The following SLC16A10 variants were observed in gnomAD, a reference collection of about 807,000 sequenced individuals.
SLC16A10 encodes the protein monocarboxylate transporter 10.
In SLC16A10, 27 loss-of-function variants were observed where a neutral mutation model predicts 40.0. The observed-to-expected ratio is 0.67, with a 90% CI of 0.50 to 0.93. The LOEUF is 0.93. Among genes scored for constraint, SLC16A10 ranks in the 40% least tolerant of loss-of-function variants. The pLI is 0.00. For missense variants in SLC16A10, 529 were observed against 658.2 expected (o/e 0.80, Z 2.15); for synonymous variants, 213 against 249.8 (o/e 0.85, Z 1.39).
In SLC16A10 at chr6:111,140,897, C is replaced by T. The variant is rs898324392; in HGVS notation, c.344-31798C>T. Among the ~76,000 whole-genome samples the T allele has an allele frequency of 3.9e-5, 6 of 152,162 alleles. No homozygotes were observed. The East Asian group carries it at 5.8e-4, about 15-fold the overall frequency. On this transcript the variant is annotated intron_variant, in intron 1 of 5. Coordinates refer to ENST00000368851, the MANE Select transcript of SLC16A10 (RefSeq NM_018593.5). ...ACTTCCCGGGCTCCAGTGATCCTCC[C>T]GCCTCAGCCTCCCAAGTGGTTGGGA...
intron 1 of SLC16A10, among the ~76,000 whole-genome samples, chr6:111,109,436 A>C (rs963849126): frequency 3.4e-5 from 5 of 145,560 alleles, no homozygotes; most frequent in Non-Finnish European, 7.5e-5. Flanking sequence ...GTAGTATTCC[A>C]TTGTATGCCT....
intron 1 of SLC16A10, among the ~76,000 whole-genome samples, chr6:111,131,490 A>T (rs887484098): frequency 2.6e-5 from 4 of 152,204 alleles, no homozygotes; most frequent in African/African-American, 9.6e-5. Flanking sequence ...TTTGGCCACC[A>T]TGAAGGGACT....
chr6:111,109,996 A>G (rs1771357434), intron 1 of SLC16A10, among the ~76,000 whole-genome samples: 1 of 152,116 alleles, frequency 6.6e-6, no homozygotes, highest in Non-Finnish European at 1.5e-5. Context: ...TGGCTGAACA[A>G]GGAGATAAAA....
Position 111,087,721 on chromosome 6 carries a change from T to C in SLC16A10, c.-32T>C, listed in dbSNP as rs1263371991. On this transcript the variant is annotated 5_prime_UTR_variant, in exon 1 of 6. Transcript: ENST00000368851. The stretch of plus-strand genomic sequence containing the variant: ...CGCTGGTAACTCGCGTCCCTCGCGC[T>C]TCTCCGGCGCCTGAGGGGCCCGCCT... The C allele has an allele frequency of 6.0e-6, 7 of 1,162,178 alleles. No individual in the cohort carries two copies. In the East Asian group the frequency reaches 2.4e-4, roughly 41 times the overall value. The allele number at this position is 1,162,178 out of a possible 1,614,324, so 72.0% of individuals were successfully genotyped here. A position where few individuals can be genotyped will look rare whatever the true frequency, so the allele number is the denominator to read the frequency against.
intron 1 of SLC16A10, among the ~76,000 whole-genome samples, chr6:111,137,864 T>A (rs1376421446): frequency 6.6e-6 from 1 of 152,126 alleles, no homozygotes; most frequent in African/African-American, 2.4e-5. Flanking sequence ...ACCCGACCAA[T>A]GAGGTAGTAA....
intron 1 of SLC16A10, among the ~76,000 whole-genome samples, chr6:111,128,079 G>T (rs1771708134): frequency 6.6e-6 from 1 of 152,070 alleles, no homozygotes; most frequent in African/African-American, 2.4e-5. Context: ...AGGCCAAAAG[G>T]GGCAGTGATA....
At chr6:111,186,906 G>C (rs354524) in intron 3 of SLC16A10, among the ~76,000 whole-genome samples, 2 of 151,948 alleles carry the variant, frequency 1.3e-5, no homozygotes, top group South Asian at 4.2e-4. Flanking sequence ...AGGGCAATGC[G>C]CACCAAATTG....
rs530843236 is a variant in SLC16A10 at position 111,193,482 on chromosome 6, C to T, written c.943-13110C>T. Reference sequence around the variant, plus strand: ...TACAGAACACTTTCATCAAAACAAGCTTGTTTTTTCTTTTCAAAATATAAT... The same window carrying T: ...TACAGAACACTTTCATCAAAACAAGTTTGTTTTTTCTTTTCAAAATATAAT... On this transcript the variant is annotated intron_variant, in intron 3 of 5. Transcript: ENST00000368851. 2.6e-5 allele frequency among the ~76,000 whole-genome samples: 4 copies of T among 152,226 alleles called. No homozygotes were observed. The East Asian group carries it at 7.7e-4, about 29-fold the overall frequency.
At chr6:111,216,216 C>T (rs1773418325) in intron 4 of SLC16A10, among the ~76,000 whole-genome samples, 1 of 152,156 alleles carries the variant, frequency 6.6e-6, no homozygotes, top group African/African-American at 2.4e-5. Context: ...TTCTTTCCAA[C>T]CTGCCAGGCT....
intron 1 of SLC16A10, among the ~76,000 whole-genome samples, chr6:111,156,192 A>G (rs1457852091): frequency 3.3e-5 from 5 of 152,226 alleles, no homozygotes; most frequent in Non-Finnish European, 7.3e-5. Context: ...TAAATGTGGG[A>G]GACTAGACAA....
At position 111,206,577 on chromosome 6, in the gene SLC16A10, C is replaced by T; in HGVS notation, c.943-15C>T. Reference sequence around the variant, plus strand: ...CTACCATATTCAGTGTGGTTTCTTTCTCTTTGGCCTATAGATGAAACATGT... The same window carrying T: ...CTACCATATTCAGTGTGGTTTCTTTTTCTTTGGCCTATAGATGAAACATGT... On this transcript the variant is annotated splice_polypyrimidine_tract_variant and intron_variant, in intron 3 of 5. Transcript: ENST00000368851. 2.5e-6 allele frequency: 4 copies of T among 1,613,664 alleles called. No individual in the cohort carries two copies. In the South Asian group the frequency reaches 4.4e-5, roughly 18 times the overall value.
At chr6:111,190,903 C>T (rs897820890) in intron 3 of SLC16A10, among the ~76,000 whole-genome samples, 4 of 152,222 alleles carry the variant, frequency 2.6e-5, no homozygotes, top group African/African-American at 7.2e-5. Context: ...GCCTTGGGGA[C>T]GTTTTCACCA....
intron 1 of SLC16A10, among the ~76,000 whole-genome samples, chr6:111,090,761 G>C (rs1042320267): frequency 6.6e-6 from 1 of 152,214 alleles, no homozygotes; most frequent in Non-Finnish European, 1.5e-5. Context: ...TGAGTCGTCT[G>C]TGATCAAGCA....
intron 1 of SLC16A10, among the ~76,000 whole-genome samples, chr6:111,125,041 G>A (rs1165437582): frequency 6.6e-6 from 1 of 151,956 alleles, no homozygotes; most frequent in Non-Finnish European, 1.5e-5. Flanking sequence ...ATAATGGGAC[G>A]GTGAAATACA....
At chr6:111,203,500 C>G (rs932417153) in intron 3 of SLC16A10, among the ~76,000 whole-genome samples, 1 of 151,810 alleles carries the variant, frequency 6.6e-6, no homozygotes, top group African/African-American at 2.4e-5. Context: ...GCAGGCAGAT[C>G]ACTTGAGGTC....
chr6:111,138,713 G>A (rs193180087), intron 1 of SLC16A10, among the ~76,000 whole-genome samples: 67 of 151,664 alleles, frequency 4.4e-4, no homozygotes, highest in Non-Finnish European at 7.5e-4. Flanking sequence ...TTCAAACTCC[G>A]GGGCTCAAGT....
At chr6:111,175,336 G>T (rs1772659997) in intron 2 of SLC16A10, among the ~76,000 whole-genome samples, 1 of 152,154 alleles carries the variant, frequency 6.6e-6, no homozygotes, top group Non-Finnish European at 1.5e-5. Context: ...CCATCATAAA[G>T]CTCATATACT....
At chr6:111,200,163 G>A (rs551289163) in intron 3 of SLC16A10, among the ~76,000 whole-genome samples, 3 of 152,316 alleles carry the variant, frequency 2.0e-5, no homozygotes, top group South Asian at 4.1e-4. Flanking sequence ...GTCAGCTGCT[G>A]AGGAGGGGGC....
At chr6:111,124,221 T>A (rs1280933005) in intron 1 of SLC16A10, among the ~76,000 whole-genome samples, 1 of 152,182 alleles carries the variant, frequency 6.6e-6, no homozygotes, top group Non-Finnish European at 1.5e-5. Context: ...GGGAACTCTA[T>A]GCTTTCAACT....
Sources: gnomAD v4.1 joint callset for allele counts (sites outside exome capture counted in the v4.1 genomes callset) on GRCh38, gnomAD v4.1.1 for gene constraint, MANE v1.5 for transcripts, NCBI Gene and HGNC (gene_info 2026-07-23, HGNC 2026-07-21) for gene names.